CHD4: variants seen among roughly 807,000 people sequenced by gnomAD.
CHD4 encodes chromodomain helicase DNA binding protein 4.
Under a neutral mutation model 235.5 loss-of-function variants are expected in CHD4, and 35 were observed. The ratio of observed to expected loss-of-function variants is 0.15; its 90% confidence interval spans 0.11 to 0.20. CHD4 has a LOEUF of 0.20. Ranked by LOEUF, CHD4 falls within the 10% of genes least tolerant of loss-of-function variation. The pLI is 1.00. For missense variants in CHD4, 1,329 were observed against 2,432.3 expected (o/e 0.55, Z 9.54); for synonymous variants, 900 against 850.2 (o/e 1.06, Z -1.02).
At chr12:6,582,331 A>G in intron 29 of CHD4, 50 bp from the exon 30 acceptor site, 1 of 1,513,882 alleles carries the variant, frequency 6.6e-7, no homozygotes, top group Non-Finnish European at 8.8e-7. Context: ...GCTGACTCTT[A>G]GATTCTTTTC....
chr12:6,603,402 G>A (rs763733474), intron 2 of CHD4, among the ~76,000 whole-genome samples: 11 of 152,156 alleles, frequency 7.2e-5, no homozygotes, highest in Non-Finnish European at 1.6e-4. Flanking sequence ...CGCCCAAAGG[G>A]GGGTGGGTAG....
At chr12:6,595,534 G>C in intron 13 of CHD4, 104 bp from the exon 14 acceptor site, 4 of 966,880 alleles carry the variant, frequency 4.1e-6, no homozygotes, top group Non-Finnish European at 6.3e-6. Flanking sequence ...CATTTTGGGA[G>C]GCCAGCACTT....
chr12:6,581,806 C>T lies in CHD4; in HGVS notation c.4524G>A (p.Glu1508=), dbSNP rs763848358. Residue 1508 remains glutamate (E), a synonymous_variant, in exon 31 of 40, where the codon GAG becomes GAA. Transcript: ENST00000544040. ...VMSLIRKKVQ[E]FEHVNGRWSM... Reference sequence around the variant, plus strand: ...TCCAGCGCCCATTAACATGTTCAAACTCCTGAACCTGTAGCAATGGGACAA... The same window carrying T: ...TCCAGCGCCCATTAACATGTTCAAATTCCTGAACCTGTAGCAATGGGACAA... 2.0e-6 allele frequency: 3 copies of T among 1,518,688 alleles called. No individual in the cohort carries two copies. Among genetic ancestry groups the T allele is most frequent in the East Asian group, 4.6e-5 (2 of 43,896 alleles). 94.1% of individuals were successfully genotyped at this position (1,518,688 alleles called of 1,614,324 possible). A position where few individuals can be genotyped will look rare whatever the true frequency, so the allele number is the denominator to read the frequency against.
intron 7 of CHD4, 42 bp from the exon 8 acceptor site, chr12:6,600,711 G>C (rs759692528): frequency 4.4e-6 from 7 of 1,608,842 alleles, no homozygotes; most frequent in Non-Finnish European, 5.9e-6. Context: ...TTCAAGCCAA[G>C]GGGAAGGACA....
At position 6,600,916 on chromosome 12, in the gene CHD4, G is replaced by C. The variant is rs1948579240; in HGVS notation, c.927+10C>G. On this transcript the variant is annotated intron_variant, in intron 7 of 39. Transcript: ENST00000544040. Reference sequence around the variant, plus strand: ...GGCACCCTCCCTAAAGCGATGGGCTGGGCTCTCACCGAGGATCTCTTACGC... The same window carrying C: ...GGCACCCTCCCTAAAGCGATGGGCTCGGCTCTCACCGAGGATCTCTTACGC... 1.3e-6 allele frequency: 2 copies of C among 1,573,140 alleles called. No homozygotes were observed. The highest frequency in any genetic ancestry group is 4.5e-5 in the East Asian group (2 of 44,690).
chr12:6,596,167 G>C (rs532830084), intron 12 of CHD4, 30 bp from the exon 13 acceptor site: 2 of 1,609,410 alleles, frequency 1.2e-6, no homozygotes, highest in South Asian at 2.2e-5. Context: ...AACCCTCAGA[G>C]CCAGAAAAGG....
intron 31 of CHD4, 22 bp from the exon 32 acceptor site, chr12:6,581,410 T>C: frequency 6.2e-7 from 1 of 1,604,694 alleles, no homozygotes; most frequent in South Asian, 1.1e-5. Context: ...TAAAAGACAA[T>C]CAATTAGGAA....
Position 6,607,326 on chromosome 12 carries a change from GTCCGGCTCGGTGTCACTCCCGC to G in CHD4, c.-127_-106del, listed in dbSNP as rs931424586. On this transcript the variant is annotated 5_prime_UTR_variant, in exon 1 of 40. Transcript: ENST00000544040. ...CCGGAGCCGCCGCAGGTCGCGCTGG[GTCCGGCTCGGTGTCACTCCCGC>G]TCCGGCTCCTCCTCGCCGCGGCCGA... 1.3e-5 allele frequency: 2 copies of G among 152,012 alleles called. No individual in the cohort carries two copies. Among genetic ancestry groups the G allele is most frequent in the Admixed American group, 1.3e-4 (2 of 15,278 alleles). The allele number at this position is 152,012 out of a possible 1,614,324, so 9.4% of individuals were successfully genotyped here.
At chr12:6,604,252 C>T (rs918411311) in intron 2 of CHD4, among the ~76,000 whole-genome samples, 5 of 152,088 alleles carry the variant, frequency 3.3e-5, no homozygotes, top group South Asian at 2.1e-4. Flanking sequence ...CCAACCTTGG[C>T]GACAGAGTGA....
chr12:6,592,917 C>T, intron 17 of CHD4, 100 bp from the exon 18 acceptor site: 1 of 1,518,574 alleles, frequency 6.6e-7, no homozygotes, highest in Non-Finnish European at 8.9e-7. Context: ...GTTAAGCATC[C>T]CACTCCTCAC....
intron 25 of CHD4, 52 bp from the exon 26 acceptor site, chr12:6,583,430 G>A: frequency 1.3e-6 from 2 of 1,498,288 alleles, no homozygotes; most frequent in Non-Finnish European, 1.8e-6. Context: ...AGCACCACCA[G>A]CTACCCCTGG....
chr12:6,606,727 G>T (rs1419298594), intron 1 of CHD4: 2 of 185,310 alleles, frequency 1.1e-5, no homozygotes, highest in Non-Finnish European at 2.2e-5. Flanking sequence ...GGTGTGACGG[G>T]GGAGGGGGTC....
intron 13 of CHD4, 22 bp downstream of exon 13, chr12:6,595,984 T>A: frequency 1.3e-6 from 2 of 1,596,856 alleles, no homozygotes; most frequent in Non-Finnish European, 1.7e-6. Context: ...AACAACTCTA[T>A]GCCTCACCCA....
intron 37 of CHD4, among the ~76,000 whole-genome samples, chr12:6,576,723 T>A (rs1948078129): frequency 6.6e-6 from 1 of 151,994 alleles, no homozygotes; most frequent in Non-Finnish European, 1.5e-5. Context: ...CTGGAGAACT[T>A]TCTTATGCCA....
intron 29 of CHD4, 84 bp from the exon 30 acceptor site, chr12:6,582,365 C>T (rs1592265757): frequency 2.7e-6 from 4 of 1,455,752 alleles, no homozygotes. Flanking sequence ...GGCATTATCA[C>T]AGGCAATAAC....
chr12:6,605,056 C>G (rs568749721), intron 2 of CHD4, among the ~76,000 whole-genome samples: 1 of 152,164 alleles, frequency 6.6e-6, no homozygotes. Context: ...AGCCCAGACT[C>G]CATGACAACA....
In CHD4 at chr12:6,585,739, A is replaced by C. The variant is rs1487458842; in HGVS notation, c.3879+1645T>G. Among the ~76,000 whole-genome samples, 3 of 150,484 alleles carry C rather than the reference A, an allele frequency of 2.0e-5. No homozygotes were observed. In the East Asian group the frequency reaches 6.0e-4, roughly 30 times the overall value. Reference sequence around the variant, plus strand: ...GGGAGGCGGAGGTTGCAGTGAGCCGAGATCATGCCACTGCACTCCAGCCTG... The same window carrying C: ...GGGAGGCGGAGGTTGCAGTGAGCCGCGATCATGCCACTGCACTCCAGCCTG... On this transcript the variant is annotated intron_variant, in intron 25 of 39. Transcript: ENST00000544040.
At chr12:6,592,959 G>A in intron 17 of CHD4, 132 bp downstream of exon 17, 2 of 1,508,064 alleles carry the variant, frequency 1.3e-6, no homozygotes, top group Non-Finnish European at 8.9e-7. Context: ...ACCAAGGGCT[G>A]TCACATACAA....
intron 14 of CHD4, 144 bp downstream of exon 14, chr12:6,595,190 A>G: frequency 3.2e-6 from 2 of 619,916 alleles, no homozygotes; most frequent in South Asian, 4.1e-5. Flanking sequence ...AGAGATGTGG[A>G]GAAGTGGGGA....
Sources: allele counts gnomAD v4.1 joint callset (sites outside exome capture counted in the v4.1 genomes callset), GRCh38; gene constraint gnomAD v4.1.1; transcripts MANE v1.5; gene names NCBI Gene and HGNC (gene_info 2026-07-23, HGNC 2026-07-21).